Variants in NALF1 observed in about 807,000 individuals in gnomAD.
NALF1 encodes family with sequence similarity 155 member A.
Under a neutral mutation model 48.4 loss-of-function variants are expected in NALF1, and 3 were observed. The observed-to-expected ratio is 0.06, with a 90% CI of 0.03 to 0.16. NALF1 has a LOEUF of 0.16. NALF1 is among the 10% of genes least tolerant of loss of function. The probability of loss-of-function intolerance (pLI) is 1.00; values close to 1 mark genes in which losing one functional copy is unlikely to be tolerated. For synonymous variants in NALF1, 262 were observed against 245.7 expected (o/e 1.07, Z -0.62); for missense variants, 526 against 571.5 (o/e 0.92, Z 0.81).
chr13:107,344,134 A>C (rs1388068762), intron 1 of NALF1, among the ~76,000 whole-genome samples: 3 of 152,196 alleles, frequency 2.0e-5, no homozygotes, highest in African/African-American at 7.2e-5. Context: ...CCAAGACTGA[A>C]CTATGAAGAA....
chr13:107,716,219 G>C (rs1426762975), intron 1 of NALF1, among the ~76,000 whole-genome samples: 2 of 152,170 alleles, frequency 1.3e-5, no homozygotes, highest in Non-Finnish European at 2.9e-5. Context: ...AAAGATAAGA[G>C]AGTGCTGAAA....
At chr13:107,358,307 T>C (rs1210938449) in intron 1 of NALF1, among the ~76,000 whole-genome samples, 1 of 152,164 alleles carries the variant, frequency 6.6e-6, no homozygotes, top group Admixed American at 6.5e-5. Flanking sequence ...ACCCAACCTC[T>C]CTGAGCCTTA....
intron 1 of NALF1, among the ~76,000 whole-genome samples, chr13:107,341,767 T>C (rs145102026): frequency 0.014 from 2,184 of 151,752 alleles, 18 homozygotes; most frequent in African/African-American, 0.019. Flanking sequence ...ATAATGTGTG[T>C]GTGTGTATAT....
intron 1 of NALF1, among the ~76,000 whole-genome samples, chr13:107,224,387 A>G (rs1880058312): frequency 1.3e-5 from 2 of 150,358 alleles, no homozygotes; most frequent in African/African-American, 4.9e-5. Context: ...GTCATTGTAT[A>G]TACAAATGAT....
At chr13:107,211,909 T>C (rs1441575459) in intron 1 of NALF1, among the ~76,000 whole-genome samples, 1 of 152,224 alleles carries the variant, frequency 6.6e-6, no homozygotes, top group Non-Finnish European at 1.5e-5. Context: ...CCATAACTAT[T>C]ACTCACATTT....
chr13:107,726,625 TTC>T (rs777799053), intron 1 of NALF1, among the ~76,000 whole-genome samples: 9,863 of 77,388 alleles, frequency 0.13, 761 homozygotes, highest in East Asian at 0.46. Flanking sequence ...TTTTTTTTTT[TTC>T]CAGATGGAGT....
intron 1 of NALF1, among the ~76,000 whole-genome samples, chr13:107,831,184 G>GTT (rs1242630114): frequency 6.6e-6 from 1 of 152,184 alleles, no homozygotes; most frequent in Non-Finnish European, 1.5e-5. Context: ...AACCAAGATA[G>GTT]TTCATCCAGA....
At chr13:107,214,234 G>A (rs1303921255) in intron 1 of NALF1, among the ~76,000 whole-genome samples, 1 of 152,168 alleles carries the variant, frequency 6.6e-6, no homozygotes, top group African/African-American at 2.4e-5. Flanking sequence ...AGGATGTTTT[G>A]TGGTGGCACC....
intron 1 of NALF1, among the ~76,000 whole-genome samples, chr13:107,334,721 T>TA (rs1340043661): frequency 2.0e-5 from 3 of 152,220 alleles, no homozygotes; most frequent in Non-Finnish European, 4.4e-5. Flanking sequence ...TAAGATTTTT[T>TA]AAAAAACGTT....
chr13:107,704,228 C>T lies in NALF1; in HGVS notation c.915+161454G>A, dbSNP rs1367165262. Among the ~76,000 whole-genome samples, 4 of 152,074 alleles carry T rather than the reference C, an allele frequency of 2.6e-5. No homozygotes were observed. In the East Asian group the frequency reaches 7.7e-4, roughly 29 times the overall value. ...TACCCTCTATTCATTGTTCTGGTTG[C>T]TTCATGGTCCTTTTCATGCAAAGAT... On this transcript the variant is annotated intron_variant, in intron 1 of 2. Coordinates refer to ENST00000375915, the MANE Select transcript of NALF1 (RefSeq NM_001080396.3).
intron 1 of NALF1, among the ~76,000 whole-genome samples, chr13:107,699,197 G>T (rs1344822802): frequency 6.6e-6 from 1 of 152,014 alleles, no homozygotes; most frequent in Non-Finnish European, 1.5e-5. Context: ...TTGGTTTGGA[G>T]TAACACTAAT....
At chr13:107,690,896 A>T (rs1353044356) in intron 1 of NALF1, among the ~76,000 whole-genome samples, 1 of 152,208 alleles carries the variant, frequency 6.6e-6, no homozygotes, top group Non-Finnish European at 1.5e-5. Context: ...TCTTACGGTG[A>T]TGTGGAAAAT....
intron 1 of NALF1, among the ~76,000 whole-genome samples, chr13:107,641,268 G>A (rs557418177): frequency 1.3e-5 from 2 of 152,162 alleles, no homozygotes; most frequent in Non-Finnish European, 2.9e-5. Flanking sequence ...TCAGATGGAG[G>A]AGGATGAAGA....
intron 1 of NALF1, among the ~76,000 whole-genome samples, chr13:107,638,201 A>ATATATATATATATATATATG (rs372122331): frequency 5.4e-5 from 6 of 110,828 alleles, no homozygotes; most frequent in African/African-American, 1.7e-4. Context: ...ATATATATAT[A>ATATATATATATATATATATG]TATATAATTT....
chr13:107,516,345 T>A (rs916745190), intron 1 of NALF1, among the ~76,000 whole-genome samples: 1 of 152,172 alleles, frequency 6.6e-6, no homozygotes, highest in African/African-American at 2.4e-5. Flanking sequence ...GCAAAAAGCA[T>A]GTGGTATTTA....
chr13:107,557,502 A>C (rs956455866), intron 1 of NALF1, among the ~76,000 whole-genome samples: 3 of 152,114 alleles, frequency 2.0e-5, no homozygotes, highest in Admixed American at 6.5e-5. Flanking sequence ...GCCTACTAAC[A>C]ACACTGCTAC....
chr13:107,174,053 C>T (rs997287737), intron 2 of NALF1, among the ~76,000 whole-genome samples: 1 of 152,122 alleles, frequency 6.6e-6, no homozygotes, highest in African/African-American at 2.4e-5. Flanking sequence ...TTCGAAGCAA[C>T]TGTTCTTATT....
chr13:107,332,897 G>C (rs1461811325), intron 1 of NALF1, among the ~76,000 whole-genome samples: 2 of 152,168 alleles, frequency 1.3e-5, no homozygotes, highest in Non-Finnish European at 2.9e-5. Context: ...CCAGGCTGGA[G>C]TGTAATGGCA....
chr13:107,568,263 G>T (rs1877876039), intron 1 of NALF1, among the ~76,000 whole-genome samples: 1 of 152,212 alleles, frequency 6.6e-6, no homozygotes, highest in Non-Finnish European at 1.5e-5. Flanking sequence ...TTATAGGTGT[G>T]GGCCACCATA....
Sources: allele counts gnomAD v4.1 joint callset (sites outside exome capture counted in the v4.1 genomes callset), GRCh38; gene constraint gnomAD v4.1.1; transcripts MANE v1.5; gene names NCBI Gene and HGNC (gene_info 2026-07-23, HGNC 2026-07-21).